The following SLC48A1 variants were observed in gnomAD, a reference collection of about 807,000 sequenced individuals.
The protein encoded by SLC48A1 is solute carrier family 48 member 1.
In SLC48A1, 6 loss-of-function variants were observed where a neutral mutation model predicts 14.8. The ratio of observed to expected loss-of-function variants is 0.41; its 90% CI spans 0.22 to 0.80. The LOEUF (loss-of-function observed/expected upper bound fraction) is 0.80, where lower values mean the gene tolerates loss of function less well. Among genes scored for constraint, SLC48A1 ranks in the 30% least tolerant of loss-of-function variants. The pLI is 0.34. For missense variants in SLC48A1, 165 were observed against 204.8 expected (o/e 0.81, Z 1.19); for synonymous variants, 89 against 90.0 (o/e 0.99, Z 0.06).
chr12:47,757,734 G>C (rs1942167161), upstream of SLC48A1: 2 of 835,896 alleles, frequency 2.4e-6, no homozygotes, highest in Non-Finnish European at 3.7e-6. Flanking sequence ...TCCTGACCCA[G>C]TGTCCACGGC....
chr12:47,757,797 A>G, upstream of SLC48A1: 1 of 1,417,804 alleles, frequency 7.1e-7, no homozygotes, highest in Non-Finnish European at 9.6e-7. Context: ...CAGCATGCCA[A>G]GCCATGATCT....
rs1023148276 is a variant in SLC48A1, at chr12:47,778,956, T to A, written c.137-72T>A. 8.1e-5 allele frequency: 117 copies of A among 1,442,852 alleles called. 1 individual carries two copies. In the Middle Eastern group the frequency reaches 1.3e-3, roughly 15 times the overall value. The allele number at this position is 1,442,852 out of a possible 1,614,324, so 89.4% of individuals were successfully genotyped here. A position where few individuals can be genotyped will look rare whatever the true frequency, so the allele number is the denominator to read the frequency against. ...CATATTCTTGGTATTCTTATGCAAA[T>A]AGGCCTGGTCTAGTGGATCTGCAGG... is the stretch of plus-strand genomic sequence containing the variant. On this transcript the variant is annotated intron_variant, in intron 1 of 2. Coordinates refer to ENST00000442218, the MANE Select transcript of SLC48A1 (RefSeq NM_017842.3).
intron 2 of SLC48A1, among the ~76,000 whole-genome samples, chr12:47,763,415 G>A (rs11168232): frequency 0.17 from 25,973 of 152,156 alleles, 2,314 homozygotes; most frequent in African/African-American, 0.22. Context: ...TATAAGGGCT[G>A]TGCCAGGACC....
At chr12:47,769,813 A>G (rs1942592356), upstream of SLC48A1, among the ~76,000 whole-genome samples, 1 of 152,266 alleles carries the variant, frequency 6.6e-6, no homozygotes, top group Admixed American at 6.5e-5. Flanking sequence ...GCCACTAGTC[A>G]TGTGCAGCTA....
At chr12:47,767,578 C>T (rs1294505980), upstream of SLC48A1, among the ~76,000 whole-genome samples, 2 of 152,160 alleles carry the variant, frequency 1.3e-5, no homozygotes, top group African/African-American at 4.8e-5. Flanking sequence ...GTTACCCTGC[C>T]TTCCTGGAGA....
At chr12:47,769,554 A>T (rs976758985), upstream of SLC48A1, 3 of 152,220 alleles carry the variant, frequency 2.0e-5, no homozygotes, top group Non-Finnish European at 4.4e-5. Context: ...CCCCCATCAA[A>T]TCTAACTGGA....
chr12:47,765,979 A>G (rs974943312), intron 2 of SLC48A1, among the ~76,000 whole-genome samples: 1 of 151,784 alleles, frequency 6.6e-6, no homozygotes, highest in Non-Finnish European at 1.5e-5. Context: ...TTCTTGACCA[A>G]TTGCCATTCC....
chr12:47,754,159 C>G (rs2136812351), upstream of SLC48A1: 1 of 152,252 alleles, frequency 6.6e-6, no homozygotes, highest in East Asian at 1.9e-4. Context: ...AATAAGGGCA[C>G]CAGGATTCAT....
At chr12:47,758,203 A>C, upstream of SLC48A1, 1 of 1,440,548 alleles carries the variant, frequency 6.9e-7, no homozygotes, top group Non-Finnish European at 9.1e-7. Context: ...GAGGTGCTGC[A>C]ACCCTGCCAG....
chr12:47,760,680 C>G (rs1292301440), intron 2 of SLC48A1, among the ~76,000 whole-genome samples: 1 of 152,162 alleles, frequency 6.6e-6, no homozygotes, highest in Non-Finnish European at 1.5e-5. Flanking sequence ...CTGCCACGAT[C>G]CTGTGAGGTA....
upstream of SLC48A1, among the ~76,000 whole-genome samples, chr12:47,757,682 G>A (rs536667917): frequency 1.1e-3 from 172 of 152,078 alleles, no homozygotes; most frequent in Non-Finnish European, 1.9e-3. Context: ...ACACACACAC[G>A]TTGCAGCTGT....
upstream of SLC48A1, among the ~76,000 whole-genome samples, chr12:47,770,615 G>A (rs190795829): frequency 6.6e-6 from 1 of 152,324 alleles, no homozygotes; most frequent in Admixed American, 6.5e-5. Context: ...TTAAAGCACT[G>A]TGGGGTGAAA....
intron 2 of SLC48A1, among the ~76,000 whole-genome samples, chr12:47,766,486 A>G (rs1200143466): frequency 1.3e-5 from 2 of 152,134 alleles, no homozygotes; most frequent in Non-Finnish European, 2.9e-5. Flanking sequence ...CCATCCAGCA[A>G]CAGCTCCCTC....
chr12:47,758,736 G>A, intron 1 of SLC48A1: 4 of 1,334,402 alleles, frequency 3.0e-6, no homozygotes, highest in Non-Finnish European at 3.8e-6. Flanking sequence ...AGGGCTCGGT[G>A]GAGAGGCTCC....
At chr12:47,766,085 G>A (rs1187439248) in intron 2 of SLC48A1, among the ~76,000 whole-genome samples, 1 of 152,118 alleles carries the variant, frequency 6.6e-6, no homozygotes. Flanking sequence ...GCCATTCTTG[G>A]GGCCCCTGCT....
At chr12:47,771,323 G>C (rs1942625768), upstream of SLC48A1, among the ~76,000 whole-genome samples, 1 of 152,042 alleles carries the variant, frequency 6.6e-6, no homozygotes, top group South Asian at 2.1e-4. Context: ...CATTTATTAA[G>C]GGGTCATTAT....
At chr12:47,778,838 C>G in intron 1 of SLC48A1, 190 bp from the exon 2 acceptor site, 1 of 513,174 alleles carries the variant, frequency 1.9e-6, no homozygotes, top group Non-Finnish European at 3.3e-6. Context: ...TAATGTTGGG[C>G]TTACTAGCAG....
intron 2 of SLC48A1, 96 bp from the exon 3 acceptor site, chr12:47,780,049 G>T (rs1942833207): frequency 5.7e-6 from 8 of 1,401,608 alleles, no homozygotes; most frequent in Non-Finnish European, 7.6e-6. Context: ...ACGTTGCAGG[G>T]ATGTTGAGTG....
intron 2 of SLC48A1, among the ~76,000 whole-genome samples, chr12:47,761,682 A>G (rs1215903523): frequency 6.6e-6 from 1 of 152,220 alleles, no homozygotes; most frequent in African/African-American, 2.4e-5. Flanking sequence ...GGTAACAATC[A>G]TGCCATGTCC....
Sources: gnomAD v4.1 joint callset for allele counts (sites outside exome capture counted in the v4.1 genomes callset) on GRCh38, gnomAD v4.1.1 for gene constraint, MANE v1.5 for transcripts, NCBI Gene and HGNC (gene_info 2026-07-23, HGNC 2026-07-21) for gene names.